GLI1: variants seen among roughly 807,000 people sequenced by gnomAD.
GLI1 encodes the protein GLI family zinc finger 1.
Under a neutral mutation model 87.8 loss-of-function variants are expected in GLI1, and 51 were observed. That is an observed-to-expected ratio of 0.58 (90% CI 0.46 to 0.73). GLI1 has a LOEUF of 0.73. GLI1 is among the 30% of genes least tolerant of loss of function. The pLI is 0.00. For missense variants in GLI1, 1,292 were observed against 1,437.2 expected (o/e 0.90, Z 1.63); for synonymous variants, 528 against 558.2 (o/e 0.95, Z 0.76).
At position 57,465,298 on chromosome 12, in the gene GLI1, G is replaced by A. The variant is rs745504733; in HGVS notation, c.534+43G>A. On this transcript the variant is annotated intron_variant, in intron 5 of 11. Coordinates refer to ENST00000228682, the MANE Select transcript of GLI1 (RefSeq NM_005269.3). ...GCTACCTGATTTCCCTCAGCTCAGG[G>A]TGGGTGGGTGGTGGATTTTGTAGGG... 3.3e-6 allele frequency: 5 copies of A among 1,510,128 alleles called. No individual in the cohort carries two copies. In the East Asian group the frequency reaches 1.1e-4, roughly 34 times the overall value. The allele number at this position is 1,510,128 out of a possible 1,614,324, so 93.5% of individuals were successfully genotyped here. A position where few individuals can be genotyped will look rare whatever the true frequency, so the allele number is the denominator to read the frequency against.
In GLI1 at chr12:57,472,143, C is replaced by T. The variant is rs1332836764; in HGVS notation, c.*82C>T. 1 of 991,412 alleles carries T rather than the reference C, an allele frequency of 1.0e-6. No individual in the cohort carries two copies. The highest frequency in any genetic ancestry group is 1.5e-6 in the Non-Finnish European group (1 of 688,642). The allele number at this position is 991,412 out of a possible 1,614,324, so 61.4% of individuals were successfully genotyped here. ...CAGAAAAATTGGGGGAGCTGCAGTCCCATGCACAAGATGCCCCAGGGATGG... is the reference window on the plus strand; with the variant it reads ...CAGAAAAATTGGGGGAGCTGCAGTCTCATGCACAAGATGCCCCAGGGATGG... On this transcript the variant is annotated 3_prime_UTR_variant, in exon 12 of 12. Coordinates refer to ENST00000228682, the MANE Select transcript of GLI1 (RefSeq NM_005269.3).
rs923953698 is a variant in GLI1 at position 57,471,297 on chromosome 12, C to G, written c.2557C>G (p.Gln853Glu). ...HPQPLFSHYP[Q>E]PSPPQYLQSG... ...ACAGCCTCTCTTTTCCCATTACCCC[C>G]AGCCCTCTCCTCCCCAATATCTCCA... Residue 853 changes from glutamine (Q) to glutamate (E), a missense_variant, in exon 12 of 12, where the codon CAG becomes GAG. By Grantham distance (29) the Gln-to-Glu change is conservative. Coordinates refer to ENST00000228682, the MANE Select transcript of GLI1 (RefSeq NM_005269.3). The surrounding 1 kb of genome is among the most constrained non-coding windows in gnomAD (Gnocchi z 4.9). The G allele has an allele frequency of 6.3e-7, 1 of 1,577,458 alleles. No individual in the cohort carries two copies. The highest frequency in any genetic ancestry group is 1.4e-5 in the African/African-American group (1 of 73,500).
In GLI1 at chr12:57,469,350, TG is replaced by T. The variant is rs941181543; in HGVS notation, c.1309-78del. On this transcript the variant is annotated intron_variant, in intron 10 of 11. Coordinates refer to ENST00000228682, the MANE Select transcript of GLI1 (RefSeq NM_005269.3). ...GCTTCCTTGGAACCCCAGCAGTCACTGGGACACAGGCTTCAGCCACTCATCA... is the reference window on the plus strand; with the variant it reads ...GCTTCCTTGGAACCCCAGCAGTCACTGGACACAGGCTTCAGCCACTCATCA... 4.6e-5 allele frequency: 66 copies of T among 1,437,142 alleles called. 1 individual carries two copies. The highest frequency in any genetic ancestry group is 4.0e-4 in the African/African-American group (29 of 71,678). 89.0% of individuals were successfully genotyped at this position (1,437,142 alleles called of 1,614,324 possible). A position where few individuals can be genotyped will look rare whatever the true frequency, so the allele number is the denominator to read the frequency against.
At chr12:57,463,083 C>T (rs1796222646) in intron 1 of GLI1, among the ~76,000 whole-genome samples, 3 of 152,184 alleles carry the variant, frequency 2.0e-5, no homozygotes, top group Non-Finnish European at 2.9e-5. Flanking sequence ...TACACACAGA[C>T]CACACAGGCA....
intron 7 of GLI1, 135 bp from the exon 8 acceptor site, chr12:57,466,105 G>A: frequency 9.3e-7 from 1 of 1,077,928 alleles, no homozygotes; most frequent in Non-Finnish European, 1.4e-6. Flanking sequence ...CCTGAGATGT[G>A]AGATATGATA....
At chr12:57,467,241 C>T (rs976856195) in intron 8 of GLI1, 92 bp from the exon 9 acceptor site, 2 of 1,076,048 alleles carry the variant, frequency 1.9e-6, no homozygotes, top group Admixed American at 2.3e-5. Flanking sequence ...GAGTTATATT[C>T]TCTGATGTGT....
Position 57,471,948 on chromosome 12 carries a change from A to G in GLI1, c.3208A>G (p.Ser1070Gly), listed in dbSNP as rs761617989. 1.2e-6 allele frequency: 2 copies of G among 1,610,982 alleles called. No individual in the cohort carries two copies. Among genetic ancestry groups the G allele is most frequent in the East Asian group, 2.2e-5 (1 of 44,744 alleles). The part of the protein sequence containing the change: ...SPPPSHDQRG[S>G]SGHTPPPSGP... ...TCCTCCTTCCCATGATCAGCGGGGC[A>G]GCTCTGGACATACCCCACCTCCCTC... Residue 1070 changes from serine (S) to glycine (G), a missense_variant, in exon 12 of 12, where the codon AGC becomes GGC. Physicochemically the swap from Ser to Gly is moderately conservative, Grantham distance 56. This residue lies in a region of GLI1 where 897 missense variants were observed against 1,040.7 expected (regional missense o/e 0.86). Transcript: ENST00000228682. The surrounding 1 kb of genome is among the most constrained non-coding windows in gnomAD (Gnocchi z 4.9).
chr12:57,466,201 T>C (rs891889710), intron 7 of GLI1, 39 bp from the exon 8 acceptor site: 4 of 1,591,924 alleles, frequency 2.5e-6, no homozygotes, highest in Non-Finnish European at 2.6e-6. Flanking sequence ...CTCAGGGTCA[T>C]GGGAGAGCCT....
chr12:57,463,334 C>G (rs1359853290), intron 1 of GLI1, among the ~76,000 whole-genome samples: 1 of 152,220 alleles, frequency 6.6e-6, no homozygotes, highest in Non-Finnish European at 1.5e-5. Flanking sequence ...TCTTCTGCCT[C>G]AGCCTTCCGA....
At chr12:57,463,184 T>C (rs534373849) in intron 1 of GLI1, among the ~76,000 whole-genome samples, 1 of 152,190 alleles carries the variant, frequency 6.6e-6, no homozygotes, top group South Asian at 2.1e-4. Context: ...CTCTGGGACA[T>C]CATTTCCCCT....
intron 8 of GLI1, among the ~76,000 whole-genome samples, chr12:57,466,688 G>A (rs546742790): frequency 2.1e-4 from 32 of 152,172 alleles, no homozygotes; most frequent in Non-Finnish European, 3.7e-4. Flanking sequence ...CAGATCACAA[G>A]GTCAGGAGTT....
chr12:57,469,083 C>T (rs1030609430), intron 10 of GLI1, among the ~76,000 whole-genome samples: 3 of 152,264 alleles, frequency 2.0e-5, no homozygotes, highest in Non-Finnish European at 2.9e-5. Context: ...AGTATATGTT[C>T]CAAGCCTTTT....
intron 1 of GLI1, among the ~76,000 whole-genome samples, chr12:57,461,044 C>T (rs368150035): frequency 3.3e-5 from 5 of 152,324 alleles, no homozygotes; most frequent in African/African-American, 1.2e-4. Context: ...GGCCCCTCCT[C>T]TGGCTCAGAC....
chr12:57,460,748 G>C (rs1181723749), intron 1 of GLI1, among the ~76,000 whole-genome samples: 1 of 147,256 alleles, frequency 6.8e-6, no homozygotes, highest in South Asian at 2.2e-4. Context: ...GGGGAAAGGA[G>C]TGTCTTCTGG....
intron 8 of GLI1, among the ~76,000 whole-genome samples, chr12:57,466,700 G>A (rs947457316): frequency 4.6e-5 from 7 of 152,054 alleles, no homozygotes; most frequent in East Asian, 1.9e-4. Flanking sequence ...TCAGGAGTTC[G>A]AGACCAGCTT....
chr12:57,465,854 T>C lies in GLI1; in HGVS notation c.691T>C (p.Ser231Pro). 2 of 1,614,042 alleles carry C rather than the reference T, an allele frequency of 1.2e-6. No individual in the cohort carries two copies. Among genetic ancestry groups the C allele is most frequent in the Non-Finnish European group, 1.7e-6 (2 of 1,179,926 alleles). ...GAGAGAGGAGAAGCGTGAGCCTGAATCTGTGTATGAAACTGACTGCCGTTG... is the reference window on the plus strand; with the variant it reads ...GAGAGAGGAGAAGCGTGAGCCTGAACCTGTGTATGAAACTGACTGCCGTTG... ...LEREEKREPE[S>P]VYETDCRWDG... The change falls in exon 7 of 12, where the codon TCT becomes CCT. Residue 231 changes from serine (S) to proline (P), a missense_variant. Physicochemically the swap from Ser to Pro is moderately conservative, Grantham distance 74. Transcript: ENST00000228682.
At chr12:57,463,426 C>G (rs1305662608) in intron 1 of GLI1, among the ~76,000 whole-genome samples, 3 of 152,144 alleles carry the variant, frequency 2.0e-5, no homozygotes, top group Non-Finnish European at 4.4e-5. Context: ...CCATGTTGGC[C>G]AGGCTGGTCT....
In GLI1 at chr12:57,470,890, G is replaced by T; in HGVS notation, c.2150G>T (p.Gly717Val). Residue 717 changes from glycine (G) to valine (V), a missense_variant, in exon 12 of 12, where the codon GGT becomes GTT. Coordinates refer to ENST00000228682, the MANE Select transcript of GLI1 (RefSeq NM_005269.3). ...PEVGTSMVGSGLNPYMDFPPT... is the reference protein window; with the variant it reads ...PEVGTSMVGSVLNPYMDFPPT... ...GTTGGGACCTCCATGGTGGGCAGTG[G>T]TCTGAACCCCTATATGGACTTCCCA... The T allele has an allele frequency of 6.2e-7, 1 of 1,613,132 alleles. No homozygotes were observed. Among genetic ancestry groups the T allele is most frequent in the Middle Eastern group, 1.7e-4 (1 of 6,052 alleles).
Position 57,468,135 on chromosome 12 carries a change from C to A in GLI1, c.1219C>A (p.Pro407Thr). 6.2e-7 allele frequency: 1 copy of A among 1,614,184 alleles called. No homozygotes were observed. The highest frequency in any genetic ancestry group is 1.1e-5 in the South Asian group (1 of 91,084). Residue 407 changes from proline (P) to threonine (T), a missense_variant, in exon 10 of 12, where the codon CCA becomes ACA. By Grantham distance (38) the Pro-to-Thr change is conservative. Coordinates refer to ENST00000228682, the MANE Select transcript of GLI1 (RefSeq NM_005269.3). ...TGGGGATGGCCCCCTGCCTCGGGCA[C>A]CATCCATTTCTACAGTGGAGCCCAA... is the stretch of plus-strand genomic sequence containing the variant. ...HRGDGPLPRA[P>T]SISTVEPKRE...
Sources: allele counts gnomAD v4.1 joint callset (sites outside exome capture counted in the v4.1 genomes callset), GRCh38; gene constraint gnomAD v4.1.1; regional missense constraint gnomAD v4.1.1; non-coding constraint Gnocchi (gnomAD v3.1); transcripts MANE v1.5; gene names NCBI Gene and HGNC (gene_info 2026-07-23, HGNC 2026-07-21).